The following NXN variants were observed in gnomAD, a reference collection of about 807,000 sequenced individuals.
NXN encodes nucleoredoxin 1.
In NXN, 16 loss-of-function variants were observed where a neutral mutation model predicts 48.6. That is an observed-to-expected ratio of 0.33 (90% CI 0.22 to 0.50). The LOEUF (loss-of-function observed/expected upper bound fraction) is 0.50. Ranked by LOEUF, NXN falls within the 20% of genes least tolerant of loss-of-function variation. The probability of loss-of-function intolerance (pLI) is 0.98; values close to 1 mark genes in which losing one functional copy is unlikely to be tolerated. For missense variants in NXN, 492 were observed against 605.5 expected, an observed-to-expected ratio of 0.81 and a Z score of 1.97; for synonymous variants, 281 against 269.6, an observed-to-expected ratio of 1.04 and a Z score of -0.41.
intron 1 of NXN, chr17:864,003 G>A (rs1374035341): frequency 6.5e-7 from 1 of 1,535,298 alleles, no homozygotes; most frequent in South Asian, 1.2e-5. Context: ...TTCGGTGAAA[G>A]GACACAGTTA....
At chr17:906,841 G>C (rs961603106) in intron 1 of NXN, among the ~76,000 whole-genome samples, 2 of 151,888 alleles carry the variant, frequency 1.3e-5, no homozygotes, top group Non-Finnish European at 2.9e-5. Flanking sequence ...AGTCAGGCTG[G>C]GATTACAGGC....
In NXN at chr17:799,529, A is replaced by G. The variant is rs1408202999; in HGVS notation, c.*1420T>C. Reference sequence around the variant, plus strand: ...GGTGGGGACCGGATTTTCCAAATCAATGGTCTTGGCTGGCAGAGTGCTGAG... The same window carrying G: ...GGTGGGGACCGGATTTTCCAAATCAGTGGTCTTGGCTGGCAGAGTGCTGAG... On this transcript the variant is annotated 3_prime_UTR_variant, in exon 8 of 8. Coordinates refer to ENST00000336868, the MANE Select transcript of NXN (RefSeq NM_022463.5). 1.3e-5 allele frequency: 2 copies of G among 152,366 alleles called. No individual in the cohort carries two copies. Among genetic ancestry groups the G allele is most frequent in the African/African-American group, 4.8e-5 (2 of 41,466 alleles). The allele number at this position is 152,366 out of a possible 1,614,324, so 9.4% of individuals were successfully genotyped here.
At chr17:959,296 T>C in intron 1 of NXN, 1 of 373,510 alleles carries the variant, frequency 2.7e-6, no homozygotes, top group Non-Finnish European at 4.7e-6. Flanking sequence ...GCAGGTATCA[T>C]CACAGCTCTG....
chr17:871,968 T>C (rs1011792181), intron 1 of NXN, among the ~76,000 whole-genome samples: 8 of 152,214 alleles, frequency 5.3e-5, no homozygotes, highest in African/African-American at 1.9e-4. Flanking sequence ...AGAAGTATGT[T>C]ATGTGTGGAA....
intron 1 of NXN, among the ~76,000 whole-genome samples, chr17:874,405 G>GA (rs2068192511): frequency 1.3e-5 from 2 of 152,246 alleles, no homozygotes; most frequent in South Asian, 4.1e-4. Context: ...CCAAAATGGT[G>GA]AAACCCCACC....
At chr17:912,276 A>G (rs888165786) in intron 1 of NXN, among the ~76,000 whole-genome samples, 4 of 152,094 alleles carry the variant, frequency 2.6e-5, no homozygotes, top group Non-Finnish European at 5.9e-5. Context: ...GTTGAAAAAA[A>G]TCTGTGTATA....
chr17:957,964 C>T lies in NXN; in HGVS notation c.360+21355G>A, dbSNP rs1457767267. ...GCCAAGGGAACCTCTGTTTTCCTCA[C>T]AGAACGTGAAAATGTTTCCACGGAG... On this transcript the variant is annotated intron_variant, in intron 1 of 7. Coordinates refer to ENST00000336868, the MANE Select transcript of NXN (RefSeq NM_022463.5). Among the ~76,000 whole-genome samples, 3 of 152,056 alleles carry T rather than the reference C, an allele frequency of 2.0e-5. No individual in the cohort carries two copies. In the East Asian group the frequency reaches 5.8e-4, roughly 29 times the overall value.
chr17:951,203 A>AT (rs1387703340), intron 1 of NXN, among the ~76,000 whole-genome samples: 4 of 140,758 alleles, frequency 2.8e-5, no homozygotes, highest in African/African-American at 7.9e-5. Context: ...AAAAAAAAAA[A>AT]GCTGGGCGTG....
At position 803,682 on chromosome 17, in the gene NXN, C is replaced by G; in HGVS notation, c.1125G>C (p.Glu375Asp). The G allele has an allele frequency of 6.2e-7, 1 of 1,614,188 alleles. No individual in the cohort carries two copies. The highest frequency in any genetic ancestry group is 8.5e-7 in the Non-Finnish European group (1 of 1,180,028). ...EAPLLFFVAG[E>D]DDMTDSLRDY... ...GGCCAAGCCTCTCCTCCGCACTCAC[C>G]TCCCCGGCTACGAAGAACAGAAGGG... Residue 375 changes from glutamate (E) to aspartate (D), a missense_variant and splice_region_variant, in exon 7 of 8, where the codon GAG becomes GAC. Glu to Asp is a conservative substitution (Grantham distance 45). Coordinates refer to ENST00000336868, the MANE Select transcript of NXN (RefSeq NM_022463.5).
chr17:960,019 G>C (rs1597278695), intron 1 of NXN, among the ~76,000 whole-genome samples: 1 of 152,126 alleles, frequency 6.6e-6, no homozygotes, highest in Admixed American at 6.5e-5. Flanking sequence ...TTGAACCCGG[G>C]GGGCAGAGGT....
At chr17:842,829 C>G (rs1914406980) in intron 1 of NXN, among the ~76,000 whole-genome samples, 1 of 152,136 alleles carries the variant, frequency 6.6e-6, no homozygotes, top group Non-Finnish European at 1.5e-5. Flanking sequence ...ATCTCAGCTG[C>G]TCGGGAGGCT....
intron 1 of NXN, among the ~76,000 whole-genome samples, chr17:904,316 G>C (rs556307307): frequency 1.6e-4 from 24 of 149,360 alleles, no homozygotes; most frequent in African/African-American, 5.4e-4. Context: ...GCTTCCATCC[G>C]ACAGACTGGC....
chr17:803,448 T>C (rs1487234385), intron 7 of NXN, among the ~76,000 whole-genome samples: 5 of 152,164 alleles, frequency 3.3e-5, no homozygotes, highest in African/African-American at 7.2e-5. Flanking sequence ...TGGGGACGGC[T>C]CCCTGCTGAC....
chr17:804,856 C>T (rs1187354213), intron 6 of NXN, among the ~76,000 whole-genome samples: 2 of 152,202 alleles, frequency 1.3e-5, no homozygotes, highest in Non-Finnish European at 2.9e-5. Context: ...AGCTGGGGAG[C>T]AGCTAGGAGG....
At chr17:845,976 T>C (rs1420163067) in intron 1 of NXN, among the ~76,000 whole-genome samples, 4 of 151,938 alleles carry the variant, frequency 2.6e-5, no homozygotes, top group African/African-American at 7.3e-5. Context: ...GGCGGGAGAA[T>C]TGCTTGGAGG....
intron 1 of NXN, among the ~76,000 whole-genome samples, chr17:837,586 G>A (rs1370336748): frequency 1.3e-5 from 2 of 152,156 alleles, no homozygotes; most frequent in East Asian, 1.9e-4. Flanking sequence ...TCATGACCAC[G>A]GCTCCCCCTT....
chr17:807,275 G>A (rs1382766587), intron 5 of NXN, among the ~76,000 whole-genome samples: 2 of 152,206 alleles, frequency 1.3e-5, no homozygotes, highest in Non-Finnish European at 2.9e-5. Flanking sequence ...TCAGAGTAGG[G>A]TGTTTCTGAA....
chr17:888,061 T>C (rs547260831), intron 1 of NXN, among the ~76,000 whole-genome samples: 33 of 152,300 alleles, frequency 2.2e-4, no homozygotes, highest in Non-Finnish European at 4.3e-4. Flanking sequence ...GGAGTGTTCC[T>C]GTCTCCTCAA....
chr17:852,805 G>A lies in NXN; in HGVS notation c.361-26727C>T, dbSNP rs188241761. On this transcript the variant is annotated intron_variant, in intron 1 of 7. Coordinates refer to ENST00000336868, the MANE Select transcript of NXN (RefSeq NM_022463.5). ...CTCCCTCCAGCACAAATCGCAAATT[G>A]GGAAGAAAGAGCTTGACCAGAAGTG... is the stretch of plus-strand genomic sequence containing the variant. Among the ~76,000 whole-genome samples the A allele has an allele frequency of 5.0e-3, 757 of 152,128 alleles. 10 individuals are homozygous for A. The highest frequency in any genetic ancestry group is 0.017 in the African/African-American group (717 of 41,442).
Sources: allele counts gnomAD v4.1 joint callset (sites outside exome capture counted in the v4.1 genomes callset), GRCh38; gene constraint gnomAD v4.1.1; transcripts MANE v1.5; gene names NCBI Gene and HGNC (gene_info 2026-07-23, HGNC 2026-07-21).